The following ERBB4 variants were observed in gnomAD, a reference collection of about 807,000 sequenced individuals.
ERBB4 encodes the protein erb-b2 receptor tyrosine kinase 4.
ERBB4 carries 42 observed loss-of-function variants against 158.0 expected under a neutral mutation model. The observed-to-expected ratio is 0.27, with a 90% CI of 0.21 to 0.34. The LOEUF is 0.34. Ranked by LOEUF, ERBB4 falls within the 10% of genes least tolerant of loss-of-function variation. The probability of loss-of-function intolerance (pLI) is 1.00; values close to 1 mark genes in which losing one functional copy is unlikely to be tolerated. For missense variants in ERBB4, 1,333 were observed against 1,624.1 expected, an observed-to-expected ratio of 0.82 and a Z score of 3.08; for synonymous variants, 583 against 558.7, an observed-to-expected ratio of 1.04 and a Z score of -0.61.
chr2:211,439,343 G>C (rs1332432350), intron 20 of ERBB4, among the ~76,000 whole-genome samples: 1 of 152,054 alleles, frequency 6.6e-6, no homozygotes, highest in South Asian at 2.1e-4. Context: ...GGTTTTTAAA[G>C]TGCCTCCAAA....
intron 1 of ERBB4, 25 bp downstream of exon 1, chr2:212,538,424 G>T (rs375929285): frequency 1.2e-6 from 2 of 1,609,626 alleles, no homozygotes; most frequent in South Asian, 1.1e-5. Flanking sequence ...CAGGTTCGGC[G>T]ACCGGAGTGC....
chr2:212,243,844 A>T (rs933050769), intron 1 of ERBB4, among the ~76,000 whole-genome samples: 1 of 152,284 alleles, frequency 6.6e-6, no homozygotes, highest in South Asian at 2.1e-4. Flanking sequence ...ACTATTTAGC[A>T]TCAGTAATTT....
intron 25 of ERBB4, among the ~76,000 whole-genome samples, chr2:211,405,796 G>C (rs1174631752): frequency 1.3e-5 from 2 of 152,084 alleles, no homozygotes; most frequent in African/African-American, 4.8e-5. Flanking sequence ...CTTCACTCGA[G>C]CTCTAGACAC....
intron 1 of ERBB4, among the ~76,000 whole-genome samples, chr2:212,380,666 G>A (rs920610919): frequency 6.6e-6 from 1 of 150,408 alleles, no homozygotes; most frequent in African/African-American, 2.4e-5. Flanking sequence ...TGTATTAAGA[G>A]TATTTATGTA....
At chr2:212,118,877 T>C (rs116656735) in intron 2 of ERBB4, among the ~76,000 whole-genome samples, 1,583 of 152,152 alleles carry the variant, frequency 0.01, 20 homozygotes, top group African/African-American at 0.036. Flanking sequence ...AGAGAAGTTA[T>C]CTTTTTTAAT....
At position 211,704,180 on chromosome 2, in the gene ERBB4, G is replaced by GTA; in HGVS notation, c.1211_1212dup (p.Gln405TyrfsTer8). Reference sequence around the variant, plus strand: ...TCAGTCATGTTTGGTGGCCATGACTGTATGTTCAGGAAACCTACAAGTGAA... The same window carrying GTA: ...TCAGTCATGTTTGGTGGCCATGACTGTATATGTTCAGGAAACCTACAAGTGAA... On this transcript the variant is annotated frameshift_variant, in exon 11 of 28. Coordinates refer to ENST00000342788, the MANE Select transcript of ERBB4 (RefSeq NM_005235.3). LOFTEE classifies it high-confidence loss of function. The GTA allele has an allele frequency of 6.2e-7, 1 of 1,608,728 alleles. No homozygotes were observed. The highest frequency in any genetic ancestry group is 8.5e-7 in the Non-Finnish European group (1 of 1,175,158).
intron 2 of ERBB4, among the ~76,000 whole-genome samples, chr2:211,976,584 A>C (rs1013319436): frequency 1.3e-5 from 2 of 152,132 alleles, no homozygotes; most frequent in African/African-American, 4.8e-5. Flanking sequence ...ATCAAAATCA[A>C]ATTAAAACAA....
intron 3 of ERBB4, among the ~76,000 whole-genome samples, chr2:211,908,860 T>C (rs1042182494): frequency 6.6e-6 from 1 of 151,664 alleles, no homozygotes; most frequent in Admixed American, 6.6e-5. Context: ...CCTTTATTTA[T>C]CTCATCTTGA....
At chr2:212,002,428 T>C (rs748815459) in intron 2 of ERBB4, among the ~76,000 whole-genome samples, 10 of 152,204 alleles carry the variant, frequency 6.6e-5, no homozygotes, top group Non-Finnish European at 1.3e-4. Context: ...CTTATGATTA[T>C]AACTCTATTC....
chr2:211,789,669 G>A (rs2076239542), intron 3 of ERBB4, among the ~76,000 whole-genome samples: 1 of 152,074 alleles, frequency 6.6e-6, no homozygotes, highest in Admixed American at 6.6e-5. Flanking sequence ...GTGTTAGTGA[G>A]GAAGAAGAGG....
intron 1 of ERBB4, among the ~76,000 whole-genome samples, chr2:212,387,456 T>G (rs1391067356): frequency 8.0e-6 from 1 of 124,568 alleles, no homozygotes; most frequent in African/African-American, 3.9e-5. Context: ...AGAACACATT[T>G]TTTTTTTTTC....
intron 3 of ERBB4, among the ~76,000 whole-genome samples, chr2:211,836,635 A>C (rs900411659): frequency 2.0e-5 from 3 of 152,110 alleles, no homozygotes; most frequent in African/African-American, 7.2e-5. Context: ...TATCAGTTGA[A>C]GAATAGTGAG....
At chr2:212,257,943 C>T (rs1024078082) in intron 1 of ERBB4, among the ~76,000 whole-genome samples, 1 of 152,040 alleles carries the variant, frequency 6.6e-6, no homozygotes, top group African/African-American at 2.4e-5. Context: ...CAGTATTTGT[C>T]CTTGGGAAAA....
intron 3 of ERBB4, among the ~76,000 whole-genome samples, chr2:211,866,472 A>T (rs2106098255): frequency 6.6e-6 from 1 of 152,260 alleles, no homozygotes; most frequent in Non-Finnish European, 1.5e-5. Context: ...ATACTATATT[A>T]TTGTACAAGT....
Position 211,721,743 on chromosome 2 carries a change from G to C in ERBB4, c.883+650C>G, listed in dbSNP as rs143764311. ...AAATAATTTTAGGTAAAAATCCATT[G>C]TTATTAGAAGCAGATCCTATTCATT... On this transcript the variant is annotated intron_variant, in intron 7 of 27. Transcript: ENST00000342788. Among the ~76,000 whole-genome samples the C allele has an allele frequency of 3.9e-3, 589 of 151,560 alleles. 2 individuals carry two copies. Among genetic ancestry groups the C allele is most frequent in the Middle Eastern group, 0.017 (5 of 294 alleles).
intron 1 of ERBB4, among the ~76,000 whole-genome samples, chr2:212,533,366 G>A (rs1240004481): frequency 6.6e-6 from 1 of 152,302 alleles, no homozygotes; most frequent in East Asian, 1.9e-4. Flanking sequence ...CAGAAATAGT[G>A]CATTATATGC....
chr2:212,018,857 T>G (rs963649846), intron 2 of ERBB4, among the ~76,000 whole-genome samples: 1 of 152,112 alleles, frequency 6.6e-6, no homozygotes, highest in African/African-American at 2.4e-5. Flanking sequence ...AATCTGGGGA[T>G]AGTTAAATAA....
At position 211,386,871 on chromosome 2, in the gene ERBB4, G is replaced by A. The variant is rs1170963831; in HGVS notation, c.3463C>T (p.Arg1155Ter). Residue 1155 changes from arginine (R) to a stop codon, truncating the protein, a stop_gained, in exon 27 of 28, where the codon CGA becomes TGA. Transcript: ENST00000342788. LOFTEE classifies it high-confidence loss of function. The stretch of plus-strand genomic sequence containing the variant: ...TTCATACCTTGTTTGGGTTTGTCTC[G>A]CATAGGAGTCATGTAACCTTCCTCA... ...LDEEGYMTPMRDKPKQEYLNP... is the reference protein window; with the variant it reads ...LDEEGYMTPM 1.9e-6 allele frequency: 3 copies of A among 1,613,968 alleles called. No homozygotes were observed. The highest frequency in any genetic ancestry group is 1.3e-5 in the African/African-American group (1 of 74,916).
intron 1 of ERBB4, among the ~76,000 whole-genome samples, chr2:212,284,835 G>A (rs1334457104): frequency 6.6e-6 from 1 of 151,994 alleles, no homozygotes; most frequent in African/African-American, 2.4e-5. Context: ...CAGGATGGCT[G>A]GCAGAATCTT....
Sources: allele counts gnomAD v4.1 joint callset (sites outside exome capture counted in the v4.1 genomes callset), GRCh38; gene constraint gnomAD v4.1.1; transcripts MANE v1.5; gene names NCBI Gene and HGNC (gene_info 2026-07-23, HGNC 2026-07-21).